NDUFAF2: variants seen among roughly 807,000 people sequenced by gnomAD.
NDUFAF2 encodes the protein NADH:ubiquinone oxidoreductase complex assembly factor 2.
NDUFAF2 carries 13 observed loss-of-function variants against 22.8 expected under a neutral mutation model. The observed-to-expected ratio is 0.57, with a 90% CI of 0.37 to 0.91. NDUFAF2 has a LOEUF of 0.91. Among genes scored for constraint, NDUFAF2 ranks in the 40% least tolerant of loss-of-function variants. The pLI is 0.01. For synonymous variants in NDUFAF2, 53 were observed against 64.2 expected (o/e 0.83, Z 0.84); for missense variants, 162 against 195.2 (o/e 0.83, Z 1.01).
intron 1 of NDUFAF2, among the ~76,000 whole-genome samples, chr5:61,030,370 C>G (rs1751708241): frequency 6.6e-6 from 1 of 151,980 alleles, no homozygotes; most frequent in Admixed American, 6.6e-5. Flanking sequence ...TTATACAGAC[C>G]ATCCAATTCT....
chr5:61,098,001 TCA>T (rs1752665178), intron 2 of NDUFAF2, among the ~76,000 whole-genome samples: 1 of 152,242 alleles, frequency 6.6e-6, no homozygotes, highest in African/African-American at 2.4e-5. Context: ...ATATATTTTC[TCA>T]CAGTCTCCTA....
intron 1 of NDUFAF2, among the ~76,000 whole-genome samples, chr5:61,002,534 G>T (rs1425116533): frequency 6.6e-6 from 1 of 152,098 alleles, no homozygotes; most frequent in Non-Finnish European, 1.5e-5. Context: ...GAAGTGTTCA[G>T]CTTTTCTTAC....
At chr5:61,121,497 ACT>A (rs1371160325) in intron 3 of NDUFAF2, among the ~76,000 whole-genome samples, 4 of 152,030 alleles carry the variant, frequency 2.6e-5, no homozygotes, top group Non-Finnish European at 5.9e-5. Flanking sequence ...GCTTTCTGAA[ACT>A]CTTGTTGTAG....
chr5:61,103,323 A>G (rs1300137678), intron 3 of NDUFAF2, among the ~76,000 whole-genome samples: 1 of 151,922 alleles, frequency 6.6e-6, no homozygotes, highest in Admixed American at 6.6e-5. Flanking sequence ...TCTCCCATCA[A>G]CTGGCATACT....
intron 2 of NDUFAF2, among the ~76,000 whole-genome samples, chr5:61,085,510 A>T (rs1011031479): frequency 2.0e-5 from 3 of 152,160 alleles, no homozygotes; most frequent in African/African-American, 7.2e-5. Context: ...ATCTTCTTTG[A>T]CTATTTACAT....
chr5:61,116,684 C>T (rs559551835), intron 3 of NDUFAF2: 1 of 152,098 alleles, frequency 6.6e-6, no homozygotes, highest in African/African-American at 2.4e-5. Context: ...TTTAGACATG[C>T]AAAGTCTCAT....
intron 1 of NDUFAF2, among the ~76,000 whole-genome samples, chr5:60,958,329 AAAGG>A (rs1750643284): frequency 6.6e-6 from 1 of 152,218 alleles, no homozygotes; most frequent in Non-Finnish European, 1.5e-5. Flanking sequence ...TTTGGGAGAT[AAAGG>A]AAGTAAACAT....
In NDUFAF2 at chr5:61,107,046, T is replaced by TACACACACACACACACACAC. The variant is rs59521177; in HGVS notation, c.258+8040_258+8059dup. Among the ~76,000 whole-genome samples the TACACACACACACACACACAC allele has an allele frequency of 8.1e-3, 1,004 of 123,952 alleles. 19 individuals carry two copies. The highest frequency in any genetic ancestry group is 0.025 in the Admixed American group (285 of 11,286). The allele number at this position is 123,952 out of a possible 152,430, so 81.3% of individuals were successfully genotyped here. A position where few individuals can be genotyped will look rare whatever the true frequency, so the allele number is the denominator to read the frequency against. On this transcript the variant is annotated intron_variant, in intron 3 of 3. Transcript: ENST00000296597. The stretch of plus-strand genomic sequence containing the variant: ...TGATTTCCTTTCCTTTGGATAAATA[T>TACACACACACACACACACAC]ACACACACACACACACACACACACA...
intron 1 of NDUFAF2, among the ~76,000 whole-genome samples, chr5:60,980,201 G>C (rs1750958795): frequency 1.3e-5 from 2 of 152,160 alleles, no homozygotes; most frequent in Non-Finnish European, 2.9e-5. Context: ...AACAAGTCTA[G>C]ACTGTGAAGA....
At chr5:60,985,592 G>A (rs186587282) in intron 1 of NDUFAF2, among the ~76,000 whole-genome samples, 37 of 152,272 alleles carry the variant, frequency 2.4e-4, no homozygotes, top group Admixed American at 2.0e-3. Flanking sequence ...CTGGTATGTT[G>A]TGTCTTTGTT....
At chr5:61,035,439 T>TG (rs1230852327) in intron 1 of NDUFAF2, among the ~76,000 whole-genome samples, 2 of 148,178 alleles carry the variant, frequency 1.3e-5, no homozygotes, top group African/African-American at 5.0e-5. Context: ...TTTTTTTTTT[T>TG]TTTTTTTTTT....
chr5:61,002,563 C>T (rs1359652907), intron 1 of NDUFAF2, among the ~76,000 whole-genome samples: 1 of 152,138 alleles, frequency 6.6e-6, no homozygotes, highest in Non-Finnish European at 1.5e-5. Flanking sequence ...TATACTTATC[C>T]GATTCACTTC....
At chr5:61,013,077 T>C (rs940669637) in intron 1 of NDUFAF2, among the ~76,000 whole-genome samples, 1 of 152,050 alleles carries the variant, frequency 6.6e-6, no homozygotes, top group Non-Finnish European at 1.5e-5. Flanking sequence ...TAAAAAAAAA[T>C]TATCTTCATA....
At chr5:61,078,905 A>C (rs1240809033) in intron 2 of NDUFAF2, among the ~76,000 whole-genome samples, 1 of 152,186 alleles carries the variant, frequency 6.6e-6, no homozygotes, top group Non-Finnish European at 1.5e-5. Flanking sequence ...GTCTCTCTAT[A>C]ATTCAGATTG....
chr5:61,130,164 G>A (rs1051009519), intron 3 of NDUFAF2, among the ~76,000 whole-genome samples: 1 of 151,998 alleles, frequency 6.6e-6, no homozygotes, highest in Non-Finnish European at 1.5e-5. Context: ...TCTTTAACTG[G>A]TACTTTTCAA....
chr5:61,107,834 A>G (rs1329045890), intron 3 of NDUFAF2, among the ~76,000 whole-genome samples: 1 of 112,006 alleles, frequency 8.9e-6, no homozygotes, highest in Non-Finnish European at 1.7e-5. Flanking sequence ...ACCCCACAAC[A>G]GTCCCCAGAG....
chr5:61,042,028 C>T (rs1003831601), intron 1 of NDUFAF2, among the ~76,000 whole-genome samples: 1 of 152,098 alleles, frequency 6.6e-6, no homozygotes, highest in African/African-American at 2.4e-5. Context: ...CCAGGTATGA[C>T]CACGTAGATT....
intron 3 of NDUFAF2, among the ~76,000 whole-genome samples, chr5:61,145,482 A>C (rs780365771): frequency 2.6e-5 from 4 of 152,218 alleles, no homozygotes; most frequent in Non-Finnish European, 5.9e-5. Flanking sequence ...TCAAATTCGA[A>C]ATCCAGATTG....
At chr5:61,012,087 TCACAC>T (rs1751449445) in intron 1 of NDUFAF2, among the ~76,000 whole-genome samples, 1 of 152,142 alleles carries the variant, frequency 6.6e-6, no homozygotes, top group African/African-American at 2.4e-5. Flanking sequence ...ATTTTACCAT[TCACAC>T]TGTTTTGTTT....
Sources: gnomAD v4.1 joint callset for allele counts (sites outside exome capture counted in the v4.1 genomes callset) on GRCh38, gnomAD v4.1.1 for gene constraint, MANE v1.5 for transcripts, NCBI Gene and HGNC (gene_info 2026-07-23, HGNC 2026-07-21) for gene names.